The following RBPJ variants were observed in gnomAD, a reference collection of about 807,000 sequenced individuals.
RBPJ encodes the protein recombination signal binding protein for immunoglobulin kappa J region.
RBPJ carries 9 observed loss-of-function variants against 67.8 expected under a neutral mutation model. The observed-to-expected ratio is 0.13, with a 90% CI of 0.08 to 0.23. The LOEUF is 0.23. Among genes scored for constraint, RBPJ ranks in the 10% least tolerant of loss-of-function variants. The pLI, the probability that RBPJ is intolerant of heterozygous loss-of-function variation, is 1.00. For synonymous variants in RBPJ, 198 were observed against 203.3 expected, an observed-to-expected ratio of 0.97 and a Z score of 0.22; for missense variants, 305 against 595.6, an observed-to-expected ratio of 0.51 and a Z score of 5.08.
the RBPJ span, among the ~76,000 whole-genome samples, chr4:26,131,480 G>T: frequency 6.6e-6 from 1 of 152,256 alleles, no homozygotes; most frequent in Non-Finnish European, 1.5e-5. Flanking sequence ...TGCCAGTATT[G>T]CTTCTGGGGA....
intron 1 of RBPJ, among the ~76,000 whole-genome samples, chr4:26,199,635 G>T (rs1717911844): frequency 6.6e-6 from 1 of 152,174 alleles, no homozygotes; most frequent in African/African-American, 2.4e-5. Context: ...CAGATCTGAA[G>T]CGGAAATTTT....
the RBPJ span, among the ~76,000 whole-genome samples, chr4:26,131,683 T>C: frequency 6.6e-6 from 1 of 152,238 alleles, no homozygotes; most frequent in Non-Finnish European, 1.5e-5. Context: ...CAGGTATCCT[T>C]ATAAGAGAAA....
chr4:26,120,093 G>A, the RBPJ span, among the ~76,000 whole-genome samples: 1 of 152,242 alleles, frequency 6.6e-6, no homozygotes, highest in Non-Finnish European at 1.5e-5. Flanking sequence ...TGGACACCTT[G>A]AGGCAGAAGC....
the RBPJ span, among the ~76,000 whole-genome samples, chr4:26,109,448 CTCTCTCTCTCTCTATA>C: frequency 1.9e-4 from 5 of 26,324 alleles, no homozygotes; most frequent in Admixed American, 8.1e-4. Flanking sequence ...CTCTCTCTCT[CTCTCTCTCTCTCTATA>C]TATATATATA....
chr4:26,343,819 C>T (rs6827890), intron 1 of RBPJ, among the ~76,000 whole-genome samples: 2,637 of 130,206 alleles, frequency 0.02, 95 homozygotes, highest in African/African-American at 0.072. Context: ...AGTGTGGTCT[C>T]GGCTCACTGC....
intron 1 of RBPJ, among the ~76,000 whole-genome samples, chr4:26,332,031 GATTC>G (rs1339052858): frequency 6.6e-6 from 1 of 152,134 alleles, no homozygotes; most frequent in East Asian, 1.9e-4. Context: ...TTGACTATGG[GATTC>G]ATTAAGTCTG....
intron 1 of RBPJ, among the ~76,000 whole-genome samples, chr4:26,230,366 A>G (rs2109203745): frequency 6.6e-6 from 1 of 152,354 alleles, no homozygotes; most frequent in Admixed American, 6.5e-5. Flanking sequence ...TAATAACGAT[A>G]ACATCTAACT....
At chr4:26,162,695 G>T (rs376433377), upstream of RBPJ, among the ~76,000 whole-genome samples, 1 of 152,328 alleles carries the variant, frequency 6.6e-6, no homozygotes, top group African/African-American at 2.4e-5. Context: ...GCAAGACCAC[G>T]ATGTCTTAGG....
At chr4:26,378,433 C>T (rs1729982219) in intron 1 of RBPJ, among the ~76,000 whole-genome samples, 1 of 152,134 alleles carries the variant, frequency 6.6e-6, no homozygotes. Context: ...CCCGTATTCT[C>T]ACAGCTTACT....
Position 26,430,111 on chromosome 4 carries a change from C to T in RBPJ, c.1044+58C>T. ...TCTTTGCAGCTACTCTCAGCTGTGA[C>T]CTGGCATCATTTCATTTCATGGGAG... is the stretch of plus-strand genomic sequence containing the variant. On this transcript the variant is annotated intron_variant, in intron 9 of 10. Transcript: ENST00000355476. This position sits in a 1 kb window ranked among gnomAD's most constrained non-coding sequence, Gnocchi z 4.1. 6.4e-7 allele frequency: 1 copy of T among 1,562,518 alleles called. No homozygotes were observed. The highest frequency in any genetic ancestry group is 8.8e-7 in the Non-Finnish European group (1 of 1,134,944).
At chr4:26,267,594 A>T (rs1042303210) in intron 1 of RBPJ, among the ~76,000 whole-genome samples, 1 of 151,686 alleles carries the variant, frequency 6.6e-6, no homozygotes, top group African/African-American at 2.4e-5. Context: ...ATACATATAT[A>T]TGTAATTTTT....
chr4:26,215,105 GAAAAAGAAAGA>G (rs1718641092), intron 1 of RBPJ, among the ~76,000 whole-genome samples: 31 of 72,402 alleles, frequency 4.3e-4, no homozygotes, highest in Admixed American at 1.5e-3. Flanking sequence ...GAGAAAGAAA[GAAAAAGAAAGA>G]AAGGAAAGAG....
intron 1 of RBPJ, among the ~76,000 whole-genome samples, chr4:26,244,457 G>GTATACATATGTGTGTATACATA (rs1719852717): frequency 1.3e-5 from 2 of 150,328 alleles, no homozygotes; most frequent in Admixed American, 1.3e-4. Context: ...ATACATATAT[G>GTATACATATGTGTGTATACATA]TGTGTATATA....
At chr4:26,224,890 C>T (rs1288659143) in intron 1 of RBPJ, among the ~76,000 whole-genome samples, 2 of 152,162 alleles carry the variant, frequency 1.3e-5, no homozygotes, top group Admixed American at 1.3e-4. Context: ...GAATTCCTGT[C>T]CCATCTGGTC....
chr4:26,267,434 T>C (rs924876335), intron 1 of RBPJ, among the ~76,000 whole-genome samples: 2 of 152,238 alleles, frequency 1.3e-5, no homozygotes, highest in South Asian at 4.2e-4. Flanking sequence ...TAGTCACATA[T>C]AACAGTCAGG....
intron 1 of RBPJ, among the ~76,000 whole-genome samples, chr4:26,364,046 C>T (rs927915437): frequency 3.9e-5 from 6 of 152,042 alleles, no homozygotes; most frequent in African/African-American, 1.4e-4. Context: ...ATGCTGAATT[C>T]ATTAATGTTA....
intron 1 of RBPJ, among the ~76,000 whole-genome samples, chr4:26,309,033 A>ATT (rs35277701): frequency 3.0e-4 from 42 of 141,256 alleles, no homozygotes; most frequent in Non-Finnish European, 4.8e-4. Context: ...TAATTATCTA[A>ATT]TTTTTTTTTT....
the RBPJ span, among the ~76,000 whole-genome samples, chr4:26,110,903 G>A: frequency 6.6e-6 from 1 of 152,126 alleles, no homozygotes; most frequent in Admixed American, 6.5e-5. This position sits in a 1 kb window ranked among gnomAD's most constrained non-coding sequence, Gnocchi z 4.5. Context: ...TGGTCCTAGG[G>A]GAGCAGACTA....
At chr4:26,123,222 A>T in the RBPJ span, among the ~76,000 whole-genome samples, 15 of 152,168 alleles carry the variant, frequency 9.9e-5, no homozygotes, top group Admixed American at 2.0e-4. Flanking sequence ...ACAGCATGTG[A>T]CTGTACTTAA....
Sources: gnomAD v4.1 joint callset for allele counts (sites outside exome capture counted in the v4.1 genomes callset) on GRCh38, gnomAD v4.1.1 for gene constraint, Gnocchi (gnomAD v3.1) non-coding constraint, MANE v1.5 for transcripts, NCBI Gene and HGNC (gene_info 2026-07-23, HGNC 2026-07-21) for gene names.